Variants in POR observed in about 807,000 individuals in gnomAD.
The protein encoded by POR is NADPH--cytochrome P450 reductase.
In POR, 56 loss-of-function variants were observed where a neutral mutation model predicts 84.0. The ratio of observed to expected loss-of-function variants is 0.67; its 90% CI spans 0.54 to 0.83. POR has a LOEUF of 0.83. POR is among the 40% of genes least tolerant of loss of function. The pLI is 0.00. For synonymous variants in POR, 414 were observed against 400.5 expected, an observed-to-expected ratio of 1.03 and a Z score of -0.40; for missense variants, 938 against 944.3, an observed-to-expected ratio of 0.99 and a Z score of 0.09.
intron 2 of POR, among the ~76,000 whole-genome samples, chr7:75,967,215 G>A (rs922514499): frequency 2.0e-5 from 3 of 152,092 alleles, no homozygotes; most frequent in African/African-American, 7.2e-5. Context: ...GAGCTATGGC[G>A]TCCACCCACC....
chr7:75,917,634 ATTTTCTTTTC>A (rs531195850), intron 1 of POR, among the ~76,000 whole-genome samples: 13 of 151,372 alleles, frequency 8.6e-5, no homozygotes, highest in African/African-American at 1.7e-4. Context: ...AGAAATGACA[ATTTTCTTTTC>A]TTTTCTTTTC....
chr7:75,979,342 AAGGGGGCGGCCTGGAG>A, intron 3 of POR, 93 bp from the exon 4 acceptor site: 2 of 1,335,338 alleles, frequency 1.5e-6, no homozygotes, highest in Non-Finnish European at 2.1e-6. Flanking sequence ...CCAGGAAGGA[AAGGGGGCGGCCTGGAG>A]GGCCCCCGCC....
intron 1 of POR, among the ~76,000 whole-genome samples, chr7:75,948,022 C>T (rs1445474673): frequency 6.6e-6 from 1 of 152,184 alleles, no homozygotes; most frequent in African/African-American, 2.4e-5. Flanking sequence ...CTTCCTTTCG[C>T]ACCGCATGCC....
intron 1 of POR, among the ~76,000 whole-genome samples, chr7:75,928,047 C>T (rs1336635955): frequency 6.8e-6 from 1 of 147,380 alleles, no homozygotes; most frequent in African/African-American, 2.5e-5. Flanking sequence ...TCTTCACTTA[C>T]CACAACCTCC....
chr7:75,986,294 G>A, intron 15 of POR, 43 bp from the exon 16 acceptor site: 9 of 1,612,696 alleles, frequency 5.6e-6, no homozygotes, highest in Non-Finnish European at 7.6e-6. Flanking sequence ...GGCCCTGCCT[G>A]CCACAGTTGG....
At chr7:75,963,803 C>A (rs369244907) in intron 2 of POR, among the ~76,000 whole-genome samples, 1 of 151,720 alleles carries the variant, frequency 6.6e-6, no homozygotes, top group African/African-American at 2.4e-5. Flanking sequence ...AGTCAGGGGT[C>A]GTGGGGGGTC....
intron 1 of POR, among the ~76,000 whole-genome samples, chr7:75,932,495 T>G (rs1056068081): frequency 1.3e-5 from 2 of 152,208 alleles, no homozygotes; most frequent in Non-Finnish European, 2.9e-5. Context: ...ATTTCTATTT[T>G]AAGGAACTTA....
intron 1 of POR, among the ~76,000 whole-genome samples, chr7:75,953,178 G>T (rs1351409085): frequency 6.6e-6 from 1 of 152,056 alleles, no homozygotes; most frequent in Non-Finnish European, 1.5e-5. Context: ...AACCAGTCAG[G>T]CGTGGCGGCG....
intron 2 of POR, among the ~76,000 whole-genome samples, chr7:75,964,452 C>T (rs1356660450): frequency 3.3e-5 from 5 of 151,124 alleles, no homozygotes; most frequent in Non-Finnish European, 7.4e-5. Context: ...GGATTACAGG[C>T]GCCTGCCACC....
chr7:75,981,047 G>A lies in POR; in HGVS notation c.517-1G>A, dbSNP rs868959835. 1 of 1,571,198 alleles carries A rather than the reference G, an allele frequency of 6.4e-7. No homozygotes were observed. The highest frequency in any genetic ancestry group is 8.6e-7 in the Non-Finnish European group (1 of 1,157,256). On this transcript the variant is annotated splice_acceptor_variant, in intron 5 of 15. Transcript: ENST00000461988. LOFTEE classifies it high-confidence loss of function. ...TCAGAGCGGCCCCTGTGTCCACGCA[G>A]GTGTTTGGTCTTGGGAACAAGACCT...
intron 5 of POR, 190 bp from the exon 6 acceptor site, chr7:75,980,858 C>A: frequency 9.2e-7 from 1 of 1,084,480 alleles, no homozygotes; most frequent in Non-Finnish European, 1.3e-6. Flanking sequence ...CTGTGGGCTG[C>A]AGGTCAACCA....
At chr7:75,950,079 C>T (rs1787347175) in intron 1 of POR, among the ~76,000 whole-genome samples, 1 of 151,046 alleles carries the variant, frequency 6.6e-6, no homozygotes, top group Admixed American at 6.6e-5. Context: ...ACTGTGTTAG[C>T]CAGGATGGTC....
intron 2 of POR, among the ~76,000 whole-genome samples, chr7:75,964,080 A>G (rs1459661307): frequency 1.3e-5 from 2 of 151,388 alleles, no homozygotes; most frequent in African/African-American, 4.9e-5. Flanking sequence ...GCTCACTGCA[A>G]CCTCTGCCTC....
rs781819982 is a variant in POR at position 75,980,305 on chromosome 7, T to C, written c.367-34T>C. On this transcript the variant is annotated intron_variant, in intron 4 of 15. Coordinates refer to ENST00000461988, the MANE Select transcript of POR (RefSeq NM_000941.3). ...GTTGAACCTTGAACAGGCTCAGTCATGGCCGGGGCGCGGTCCTGTCCCTGT... is the reference window on the plus strand; with the variant it reads ...GTTGAACCTTGAACAGGCTCAGTCACGGCCGGGGCGCGGTCCTGTCCCTGT... The C allele has an allele frequency of 1.5e-5, 24 of 1,601,130 alleles. No individual in the cohort carries two copies. In the African/African-American group the frequency reaches 2.0e-4, roughly 13 times the overall value.
At chr7:75,926,708 C>T (rs543753736) in intron 1 of POR, among the ~76,000 whole-genome samples, 2 of 152,178 alleles carry the variant, frequency 1.3e-5, no homozygotes, top group African/African-American at 2.4e-5. Flanking sequence ...GCAGGAGAAT[C>T]GCTTGAACCC....
At chr7:75,969,329 G>C (rs782604475) in intron 2 of POR, among the ~76,000 whole-genome samples, 8 of 152,164 alleles carry the variant, frequency 5.3e-5, no homozygotes, top group Non-Finnish European at 1.2e-4. Context: ...GTGCAGTCCC[G>C]TGCCTGTCTA....
intron 2 of POR, among the ~76,000 whole-genome samples, chr7:75,963,762 C>T (rs1026397445): frequency 3.3e-5 from 5 of 152,062 alleles, no homozygotes; most frequent in Non-Finnish European, 7.4e-5. Flanking sequence ...GAGCCACATG[C>T]TGGTAGAGCC....
At chr7:75,916,151 T>G (rs1458664900) in intron 1 of POR, among the ~76,000 whole-genome samples, 1 of 152,136 alleles carries the variant, frequency 6.6e-6, no homozygotes, top group Non-Finnish European at 1.5e-5. Flanking sequence ...TTCTGATCAG[T>G]GGGTCTGGTA....
chr7:75,984,995 ACCC>A (rs1789329351), intron 11 of POR, 37 bp downstream of exon 11: 9 of 1,562,470 alleles, frequency 5.8e-6, no homozygotes, highest in Admixed American at 1.7e-5. Context: ...CCGCCCCGTC[ACCC>A]CGCCGTTTTC....
Sources: gnomAD v4.1 joint callset for allele counts (sites outside exome capture counted in the v4.1 genomes callset) on GRCh38, gnomAD v4.1.1 for gene constraint, MANE v1.5 for transcripts, NCBI Gene and HGNC (gene_info 2026-07-23, HGNC 2026-07-21) for gene names.